KIRREL3: variants seen among roughly 807,000 people sequenced by gnomAD.
KIRREL3 encodes the protein kirre like nephrin family adhesion molecule 3.
A neutral mutation model predicts 89.7 loss-of-function variants in KIRREL3; 36 were observed. The ratio of observed to expected loss-of-function variants is 0.40; its 90% CI spans 0.31 to 0.53. The LOEUF (loss-of-function observed/expected upper bound fraction) is 0.53, where lower values mean the gene tolerates loss of function less well. Among genes scored for constraint, KIRREL3 ranks in the 20% least tolerant of loss-of-function variants. The pLI is 0.49. For synonymous variants in KIRREL3, 445 were observed against 441.4 expected (o/e 1.01, Z -0.10); for missense variants, 864 against 1,056.6 (o/e 0.82, Z 2.53).
rs1336690299 is a variant in KIRREL3, at chr11:127,000,241, C to G, written c.55+214G>C. On this transcript the variant is annotated intron_variant, in intron 1 of 16. Coordinates refer to ENST00000525144, the MANE Select transcript of KIRREL3 (RefSeq NM_032531.4). The surrounding 1 kb of genome is among the most constrained non-coding windows in gnomAD (Gnocchi z 7.1). ...GAGAGGAGAAAGTCATTCCCCTCCC[C>G]TCCCATACCCCTTCTTTCCAAAGGA... 6.6e-6 allele frequency among the ~76,000 whole-genome samples: 1 copy of G among 152,224 alleles called. No homozygotes were observed. The highest frequency in any genetic ancestry group is 2.4e-5 in the African/African-American group (1 of 41,466).
At position 126,496,914 on chromosome 11, in the gene KIRREL3, G is replaced by T. The variant is rs1957673771; in HGVS notation, c.434-23448C>A. On this transcript the variant is annotated intron_variant, in intron 4 of 16. Coordinates refer to ENST00000525144, the MANE Select transcript of KIRREL3 (RefSeq NM_032531.4). This position sits in a 1 kb window ranked among gnomAD's most constrained non-coding sequence, Gnocchi z 4.9. Reference sequence around the variant, plus strand: ...CCGGAATTGCTTCTTGGAGGCCAATGAGAGTGGGCAGAACTGAGCAATGGA... The same window carrying T: ...CCGGAATTGCTTCTTGGAGGCCAATTAGAGTGGGCAGAACTGAGCAATGGA... Among the ~76,000 whole-genome samples the T allele has an allele frequency of 6.6e-6, 1 of 152,154 alleles. No homozygotes were observed. Among genetic ancestry groups the T allele is most frequent in the Non-Finnish European group, 1.5e-5 (1 of 68,030 alleles).
rs991062056 is a variant in KIRREL3, at chr11:126,463,894, CTCAA to C, written c.592-591_592-588del. On this transcript the variant is annotated intron_variant, in intron 5 of 16. Coordinates refer to ENST00000525144, the MANE Select transcript of KIRREL3 (RefSeq NM_032531.4). The surrounding 1 kb of genome is among the most constrained non-coding windows in gnomAD (Gnocchi z 5.9). ...TTTCACTCCCTGATCTCATTAGAGT[CTCAA>C]TCAAACCATAGGTGGGACAGATACC... is the stretch of plus-strand genomic sequence containing the variant. Among the ~76,000 whole-genome samples, 1 of 152,148 alleles carries C rather than the reference CTCAA, an allele frequency of 6.6e-6. No individual in the cohort carries two copies. The highest frequency in any genetic ancestry group is 2.4e-5 in the African/African-American group (1 of 41,428).
intron 1 of KIRREL3, among the ~76,000 whole-genome samples, chr11:126,654,563 G>T (rs1011189850): frequency 6.6e-6 from 1 of 152,050 alleles, no homozygotes; most frequent in Non-Finnish European, 1.5e-5. Context: ...TGTAGGAAGC[G>T]CTTTTGCTTC....
intron 1 of KIRREL3, among the ~76,000 whole-genome samples, chr11:126,901,165 G>A (rs1477111824): frequency 7.3e-6 from 1 of 137,384 alleles, no homozygotes. Flanking sequence ...AGTGAGCTGA[G>A]ATCGCACCAT....
intron 10 of KIRREL3, 40 bp from the exon 11 acceptor site, chr11:126,440,589 C>G (rs375419553): frequency 6.5e-7 from 1 of 1,530,286 alleles, no homozygotes; most frequent in East Asian, 2.4e-5. Context: ...CCGGGAAGGG[C>G]ACGTCCCTGC....
At chr11:126,899,183 A>G (rs1274872905) in intron 1 of KIRREL3, among the ~76,000 whole-genome samples, 1 of 152,044 alleles carries the variant, frequency 6.6e-6, no homozygotes, top group Non-Finnish European at 1.5e-5. Flanking sequence ...ATATATATAT[A>G]TGTTTCTCAT....
chr11:126,644,767 A>G (rs1944600694), intron 1 of KIRREL3, among the ~76,000 whole-genome samples: 1 of 152,262 alleles, frequency 6.6e-6, no homozygotes, highest in South Asian at 2.1e-4. Context: ...TAAATGCCTC[A>G]AAGAGTTAAA....
intron 1 of KIRREL3, among the ~76,000 whole-genome samples, chr11:126,726,789 G>A (rs1948401777): frequency 3.9e-5 from 6 of 152,184 alleles, no homozygotes; most frequent in Admixed American, 3.9e-4. Flanking sequence ...ATGCCAATGT[G>A]TTGAGCATGC....
intron 1 of KIRREL3, among the ~76,000 whole-genome samples, chr11:126,674,616 G>T (rs1172820566): frequency 6.6e-6 from 1 of 152,168 alleles, no homozygotes; most frequent in Non-Finnish European, 1.5e-5. Flanking sequence ...CCCTTGCACT[G>T]CTTGGGGACC....
Position 126,917,964 on chromosome 11 carries a change from T to C in KIRREL3, c.55+82491A>G, listed in dbSNP as rs1328889118. Among the ~76,000 whole-genome samples the C allele has an allele frequency of 2.0e-5, 3 of 152,176 alleles. No individual in the cohort carries two copies. On this transcript the variant is annotated intron_variant, in intron 1 of 16. Coordinates refer to ENST00000525144, the MANE Select transcript of KIRREL3 (RefSeq NM_032531.4). The surrounding 1 kb of genome is among the most constrained non-coding windows in gnomAD (Gnocchi z 5.0). The stretch of plus-strand genomic sequence containing the variant: ...TTACAGTGATGGAGCAGAATTTAGA[T>C]GCTGTGACTCATCTCTCCAAGCTGG...
In KIRREL3 at chr11:126,779,620, C is replaced by CT. The variant is rs1477411991; in HGVS notation, c.56-216709_56-216708insA. Among the ~76,000 whole-genome samples, 7 of 152,086 alleles carry CT rather than the reference C, an allele frequency of 4.6e-5. No homozygotes were observed. The South Asian group carries it at 1.5e-3, about 32-fold the overall frequency. ...AATCAGGACATTTTAAAATTTATGTCCATAGTCTCAACACCTGGCGTCAAT... is the reference window on the plus strand; with the variant it reads ...AATCAGGACATTTTAAAATTTATGTCTCATAGTCTCAACACCTGGCGTCAAT... On this transcript the variant is annotated intron_variant, in intron 1 of 16. Transcript: ENST00000525144.
chr11:126,458,330 C>G, intron 6 of KIRREL3, among the ~76,000 whole-genome samples: 1 of 152,234 alleles, frequency 6.6e-6, no homozygotes, highest in Non-Finnish European at 1.5e-5. Flanking sequence ...GGGGGCACCA[C>G]AAAGGGAGCA....
chr11:126,435,421 C>T, intron 12 of KIRREL3, 118 bp from the exon 13 acceptor site: 1 of 1,000,398 alleles, frequency 1.0e-6, no homozygotes, highest in Non-Finnish European at 1.6e-6. Flanking sequence ...AGTCATGTCT[C>T]TGGGACCCCC....
At chr11:126,667,168 A>G (rs1489797959) in intron 1 of KIRREL3, among the ~76,000 whole-genome samples, 1 of 152,264 alleles carries the variant, frequency 6.6e-6, no homozygotes, top group Admixed American at 6.5e-5. Context: ...GTTACAGGAA[A>G]TAAAAAAAGA....
chr11:126,787,507 T>C (rs190549500), intron 1 of KIRREL3, among the ~76,000 whole-genome samples: 151 of 152,342 alleles, frequency 9.9e-4, no homozygotes, highest in African/African-American at 3.5e-3. Context: ...GACCCAACTT[T>C]TCATGCAAAC....
intron 4 of KIRREL3, among the ~76,000 whole-genome samples, chr11:126,487,371 A>G (rs2134325410): frequency 6.6e-6 from 1 of 152,350 alleles, no homozygotes; most frequent in East Asian, 1.9e-4. Context: ...AGACACACAC[A>G]GTCCTTTGGG....
In KIRREL3 at chr11:126,931,385, AC is replaced by A. The variant is rs1947942523; in HGVS notation, c.55+69069del. 6.6e-6 allele frequency among the ~76,000 whole-genome samples: 1 copy of A among 151,060 alleles called. No individual in the cohort carries two copies. Among genetic ancestry groups the A allele is most frequent in the Middle Eastern group, 3.4e-3 (1 of 294 alleles). On this transcript the variant is annotated intron_variant, in intron 1 of 16. Transcript: ENST00000525144. The surrounding 1 kb of genome is among the most constrained non-coding windows in gnomAD (Gnocchi z 5.1). ...TCTTTCCTTCCTTCCTCCCTACCCC[AC>A]CCTACTTTCCTGTCAATCACTCCAC...
In KIRREL3 at chr11:126,604,259, A is replaced by G. The variant is rs376961018; in HGVS notation, c.56-41347T>C. ...CGAGGACGCAGAGCTGACAGGGGTG[A>G]GTGTACACGTGGGAATGGGCAGGAA... On this transcript the variant is annotated intron_variant, in intron 1 of 16. Coordinates refer to ENST00000525144, the MANE Select transcript of KIRREL3 (RefSeq NM_032531.4). Among the ~76,000 whole-genome samples the G allele has an allele frequency of 6.6e-5, 10 of 152,290 alleles. No individual in the cohort carries two copies. In the East Asian group the frequency reaches 1.7e-3, roughly 26 times the overall value.
intron 1 of KIRREL3, among the ~76,000 whole-genome samples, chr11:126,958,362 T>G (rs930738698): frequency 6.6e-6 from 1 of 152,186 alleles, no homozygotes; most frequent in Non-Finnish European, 1.5e-5. Context: ...TATAAGAGGC[T>G]CCTCCATTTG....
Sources: gnomAD v4.1 joint callset for allele counts (sites outside exome capture counted in the v4.1 genomes callset) on GRCh38, gnomAD v4.1.1 for gene constraint, Gnocchi (gnomAD v3.1) non-coding constraint, MANE v1.5 for transcripts, NCBI Gene and HGNC (gene_info 2026-07-23, HGNC 2026-07-21) for gene names.